The following PLXDC1 variants were observed in gnomAD, a reference collection of about 807,000 sequenced individuals.
The protein encoded by PLXDC1 is plexin domain-containing protein 1.
A neutral mutation model predicts 61.3 loss-of-function variants in PLXDC1; 39 were observed. The observed-to-expected ratio is 0.64, with a 90% CI of 0.49 to 0.83. The LOEUF (loss-of-function observed/expected upper bound fraction) is 0.83. Among genes scored for constraint, PLXDC1 ranks in the 40% least tolerant of loss-of-function variants. PLXDC1 has a pLI of 0.00. For synonymous variants in PLXDC1, 212 were observed against 254.5 expected (o/e 0.83, Z 1.59); for missense variants, 596 against 666.5 (o/e 0.89, Z 1.17).
intron 2 of PLXDC1, among the ~76,000 whole-genome samples, chr17:39,126,209 G>C (rs1392913570): frequency 6.6e-6 from 1 of 151,996 alleles, no homozygotes; most frequent in Admixed American, 6.6e-5. Flanking sequence ...AGCCAAGATC[G>C]CACCACTGCA....
intron 1 of PLXDC1, among the ~76,000 whole-genome samples, chr17:39,149,058 C>T (rs916417790): frequency 1.3e-5 from 2 of 152,190 alleles, no homozygotes; most frequent in African/African-American, 4.8e-5. Context: ...TGGGCCCCTG[C>T]TCTGCACCCC....
chr17:39,149,352 T>A (rs935251259), intron 1 of PLXDC1, among the ~76,000 whole-genome samples: 1 of 152,094 alleles, frequency 6.6e-6, no homozygotes, highest in African/African-American at 2.4e-5. Flanking sequence ...CAGGTCAGGC[T>A]GCCCCTCCTT....
chr17:39,147,697 G>A (rs1308666753), intron 1 of PLXDC1, among the ~76,000 whole-genome samples: 2 of 152,054 alleles, frequency 1.3e-5, no homozygotes, highest in Non-Finnish European at 2.9e-5. Flanking sequence ...GGGGAAGGGA[G>A]GGACAGCAAG....
intron 6 of PLXDC1, among the ~76,000 whole-genome samples, chr17:39,106,445 T>C (rs540303523): frequency 3.3e-5 from 5 of 151,544 alleles, no homozygotes; most frequent in Admixed American, 3.3e-4. Flanking sequence ...CCTTGCCCTG[T>C]CCTGCCCCTC....
At chr17:39,072,260 C>T in intron 12 of PLXDC1, 190 bp downstream of exon 12, 1 of 614,128 alleles carries the variant, frequency 1.6e-6, no homozygotes, top group Non-Finnish European at 2.9e-6. Context: ...AGACATGTTC[C>T]TTCGATCTAG....
At chr17:39,072,197 G>T in intron 12 of PLXDC1, 1 of 543,720 alleles carries the variant, frequency 1.8e-6, no homozygotes, top group Non-Finnish European at 3.3e-6. Flanking sequence ...AGGACAGAGA[G>T]CCAGGAGAAG....
chr17:39,111,450 A>G (rs534095233), intron 2 of PLXDC1, among the ~76,000 whole-genome samples: 3 of 152,184 alleles, frequency 2.0e-5, no homozygotes, highest in Non-Finnish European at 2.9e-5. Flanking sequence ...ACGCCCAGCA[A>G]ATTTTTGTAT....
chr17:39,139,585 A>G, intron 2 of PLXDC1, 69 bp downstream of exon 2: 1 of 1,422,420 alleles, frequency 7.0e-7, no homozygotes. Context: ...GGACAAGCAC[A>G]CCTGGGGCAG....
intron 4 of PLXDC1, 29 bp from the exon 5 acceptor site, chr17:39,108,274 C>A (rs767455926): frequency 1.2e-6 from 2 of 1,612,488 alleles, no homozygotes; most frequent in Admixed American, 3.3e-5. Flanking sequence ...AGAGGAGTCA[C>A]CAGAAATGGC....
At chr17:39,069,808 G>A (rs759944307) in intron 13 of PLXDC1, 48 bp downstream of exon 13, 21 of 1,517,626 alleles carry the variant, frequency 1.4e-5, no homozygotes, top group African/African-American at 1.1e-4. Context: ...CCCAGGAGAC[G>A]CCGACGCAGA....
At chr17:39,078,960 G>T (rs1388053127) in intron 10 of PLXDC1, 144 bp downstream of exon 10, 2 of 675,152 alleles carry the variant, frequency 3.0e-6, no homozygotes, top group Non-Finnish European at 5.2e-6. Flanking sequence ...AGGCAGTCTG[G>T]AAAACAAATC....
Position 39,095,411 on chromosome 17 carries a change from T to C in PLXDC1, c.812-7709A>G, listed in dbSNP as rs368529854. Reference sequence around the variant, plus strand: ...CCAAGCCTGGGTTATTTGTTTTGGATTGTTTCACCAACATCTGGAGCTTGC... The same window carrying C: ...CCAAGCCTGGGTTATTTGTTTTGGACTGTTTCACCAACATCTGGAGCTTGC... On this transcript the variant is annotated intron_variant, in intron 7 of 13. Coordinates refer to ENST00000315392, the MANE Select transcript of PLXDC1 (RefSeq NM_020405.5). Among the ~76,000 whole-genome samples, 21 of 127,604 alleles carry C rather than the reference T, an allele frequency of 1.6e-4. 1 individual carries two copies. The East Asian group carries it at 5.5e-3, about 34-fold the overall frequency. The allele number at this position is 127,604 out of a possible 152,430, so 83.7% of individuals were successfully genotyped here. A position where few individuals can be genotyped will look rare whatever the true frequency, so the allele number is the denominator to read the frequency against.
At chr17:39,070,270 A>G in intron 12 of PLXDC1, 1 of 374,382 alleles carries the variant, frequency 2.7e-6, no homozygotes, top group East Asian at 4.2e-5. Flanking sequence ...TCATAAGAGA[A>G]GTTCTCTCTG....
At position 39,067,964 on chromosome 17, in the gene PLXDC1, A is replaced by C; in HGVS notation, c.1384-5T>G. 6.2e-7 allele frequency: 1 copy of C among 1,613,446 alleles called. No homozygotes were observed. The highest frequency in any genetic ancestry group is 8.5e-7 in the Non-Finnish European group (1 of 1,179,784). On this transcript the variant is annotated splice_polypyrimidine_tract_variant and splice_region_variant and intron_variant, in intron 13 of 13. Coordinates refer to ENST00000315392, the MANE Select transcript of PLXDC1 (RefSeq NM_020405.5). ...TGGCCAGTGGTGAGGTCTACGCTGC[A>C]GAAGGCACAGAGGCAAAGTCAGTGG...
At chr17:39,094,881 C>T (rs766456937) in intron 7 of PLXDC1, among the ~76,000 whole-genome samples, 2 of 152,114 alleles carry the variant, frequency 1.3e-5, no homozygotes, top group Non-Finnish European at 2.9e-5. Flanking sequence ...GATCTCAAAG[C>T]GGGAGGAGAG....
chr17:39,144,188 C>G (rs645167), intron 1 of PLXDC1, among the ~76,000 whole-genome samples: 39,020 of 151,972 alleles, frequency 0.26, 7,053 homozygotes, highest in African/African-American at 0.52. Flanking sequence ...GGTTGACCTC[C>G]ACACCCAGTC....
chr17:39,077,849 C>T (rs1909400379), intron 11 of PLXDC1, 64 bp downstream of exon 11: 2 of 1,580,014 alleles, frequency 1.3e-6, no homozygotes, highest in Middle Eastern at 1.9e-4. Flanking sequence ...GAGGGGGCCC[C>T]AGAGGGGTGG....
intron 7 of PLXDC1, among the ~76,000 whole-genome samples, chr17:39,093,398 AGTT>A (rs1910026420): frequency 6.6e-6 from 1 of 152,270 alleles, no homozygotes; most frequent in South Asian, 2.1e-4. Context: ...TACCGAGCCC[AGTT>A]GTTTATTTAA....
intron 11 of PLXDC1, 195 bp from the exon 12 acceptor site, chr17:39,072,680 G>T (rs377301950): frequency 1.6e-6 from 1 of 610,374 alleles, no homozygotes. Context: ...GTAAATGAGC[G>T]GGGACTGGTG....
Sources: gnomAD v4.1 joint callset for allele counts (sites outside exome capture counted in the v4.1 genomes callset) on GRCh38, gnomAD v4.1.1 for gene constraint, MANE v1.5 for transcripts, NCBI Gene and HGNC (gene_info 2026-07-23, HGNC 2026-07-21) for gene names.